CYP20A1: variants seen among roughly 807,000 people sequenced by gnomAD.
CYP20A1 encodes the protein cytochrome P450 family 20 subfamily A member 1, also known as cytochrome P450 20A1.
In CYP20A1, 61 loss-of-function variants were observed where a neutral mutation model predicts 61.4. That is an observed-to-expected ratio of 0.99 (90% CI 0.81 to 1.23). The LOEUF is 1.23. Ranked by LOEUF, CYP20A1 falls within the 50% of genes most tolerant of loss-of-function variation. CYP20A1 has a pLI of 0.00. For missense variants in CYP20A1, 530 were observed against 542.4 expected, an observed-to-expected ratio of 0.98 and a Z score of 0.23; for synonymous variants, 193 against 188.2, an observed-to-expected ratio of 1.03 and a Z score of -0.21.
rs1244491127 is a variant in CYP20A1 at position 203,305,354 on chromosome 2, A to C, written c.*8446A>C. On this transcript the variant is annotated 3_prime_UTR_variant, in exon 13 of 13. Transcript: ENST00000356079. The stretch of plus-strand genomic sequence containing the variant: ...TAGCTGGGACTACAGTCGCACGCCA[A>C]CCACCCCCAGCTAATTTTTTTATTT... 2 of 151,482 alleles carry C rather than the reference A, an allele frequency of 1.3e-5. No individual in the cohort carries two copies. The highest frequency in any genetic ancestry group is 3.9e-4 in the East Asian group (2 of 5,168). 9.4% of individuals were successfully genotyped at this position (151,482 alleles called of 1,614,324 possible).
At chr2:203,292,182 G>A in intron 10 of CYP20A1, 80 bp from the exon 11 acceptor site, 1 of 791,996 alleles carries the variant, frequency 1.3e-6, no homozygotes, top group Non-Finnish European at 2.1e-6. Context: ...TATATTAAAA[G>A]AAGTTTGGAA....
intron 4 of CYP20A1, among the ~76,000 whole-genome samples, chr2:203,265,249 A>G (rs1048789800): frequency 3.9e-5 from 6 of 152,202 alleles, no homozygotes; most frequent in African/African-American, 1.4e-4. Flanking sequence ...TCTAGATGCC[A>G]GTAGCACCTT....
rs1415040098 is a variant in CYP20A1, at chr2:203,251,875, C to T, written c.290-92C>T. ...AAAACAGTTGCCATGCTTTCAGCTA[C>T]AATTCTTTACCTCCCTGATCTCTTG... On this transcript the variant is annotated intron_variant, in intron 3 of 12. Transcript: ENST00000356079. The T allele has an allele frequency of 4.1e-6, 4 of 970,266 alleles. No homozygotes were observed. In the African/African-American group the frequency reaches 5.1e-5, roughly 12 times the overall value. 60.1% of individuals were successfully genotyped at this position (970,266 alleles called of 1,614,324 possible).
At chr2:203,283,283 C>G (rs1178089347) in intron 8 of CYP20A1, among the ~76,000 whole-genome samples, 1 of 129,100 alleles carries the variant, frequency 7.7e-6, no homozygotes, top group Non-Finnish European at 1.6e-5. Context: ...GTGGTGCAAT[C>G]TCGGCTCACT....
rs192923246 is a variant in CYP20A1, at chr2:203,248,879, T to G, written c.289+1958T>G. Among the ~76,000 whole-genome samples the G allele has an allele frequency of 1.5e-4, 23 of 152,182 alleles. 1 individual carries two copies. Among genetic ancestry groups the G allele is most frequent in the African/African-American group, 5.5e-4 (23 of 41,534 alleles). The stretch of plus-strand genomic sequence containing the variant: ...CATGCACCACCATGCCTGGCTAATT[T>G]ATTTACTTTTTAGTGGAGATGAGGT... On this transcript the variant is annotated intron_variant, in intron 3 of 12. Transcript: ENST00000356079.
Position 203,264,769 on chromosome 2 carries a change from G to A in CYP20A1, c.433-1745G>A, listed in dbSNP as rs1373741972. Among the ~76,000 whole-genome samples the A allele has an allele frequency of 5.3e-5, 8 of 151,618 alleles. No homozygotes were observed. The South Asian group carries it at 1.5e-3, about 28-fold the overall frequency. Reference sequence around the variant, plus strand: ...TTTTTAGACGGAGTCTCACTCTGTCGCCCAGGCTGGAGTGCAGTGGTGCAA... The same window carrying A: ...TTTTTAGACGGAGTCTCACTCTGTCACCCAGGCTGGAGTGCAGTGGTGCAA... On this transcript the variant is annotated intron_variant, in intron 4 of 12. Coordinates refer to ENST00000356079, the MANE Select transcript of CYP20A1 (RefSeq NM_177538.3).
intron 4 of CYP20A1, among the ~76,000 whole-genome samples, chr2:203,253,991 A>G (rs2066799440): frequency 6.6e-6 from 1 of 151,822 alleles, no homozygotes; most frequent in African/African-American, 2.4e-5. Context: ...TCTGTCGCCC[A>G]GGCTGGAATG....
intron 1 of CYP20A1, among the ~76,000 whole-genome samples, chr2:203,240,455 A>C (rs1044590569): frequency 6.6e-6 from 1 of 152,258 alleles, no homozygotes; most frequent in Non-Finnish European, 1.5e-5. Context: ...CGGACAGAAA[A>C]TTCCTGACTC....
In CYP20A1 at chr2:203,239,060, A is replaced by G; in HGVS notation, c.-3A>G. 1 of 1,613,496 alleles carries G rather than the reference A, an allele frequency of 6.2e-7. No homozygotes were observed. The highest frequency in any genetic ancestry group is 8.5e-7 in the Non-Finnish European group (1 of 1,179,700). On this transcript the variant is annotated 5_prime_UTR_variant, in exon 1 of 13. Coordinates refer to ENST00000356079, the MANE Select transcript of CYP20A1 (RefSeq NM_177538.3). The stretch of plus-strand genomic sequence containing the variant: ...GAGACGTGGCTCCCTGGGCGGCAGA[A>G]CCATGTTGGACTTCGCGATCTTCGC...
In CYP20A1 at chr2:203,278,642, A is replaced by G. The variant is rs558394525; in HGVS notation, c.749A>G (p.His250Arg). The change falls in exon 7 of 13, where the codon CAT (histidine) becomes CGT (arginine). Residue 250 changes from histidine to arginine, a missense_variant. His to Arg is a conservative substitution (Grantham distance 29). Transcript: ENST00000356079. The stretch of plus-strand genomic sequence containing the variant: ...CGAAAAGGAAGGAACTTCAGTCAAC[A>G]TATTTTCATTGACTCCTTAGTACAA... Reference protein sequence around the residue: ...KERKGRNFSQHIFIDSLVQGN... With the variant: ...KERKGRNFSQRIFIDSLVQGN... 20 of 1,606,198 alleles carry G rather than the reference A, an allele frequency of 1.2e-5. No individual in the cohort carries two copies. In the African/African-American group the frequency reaches 1.7e-4, roughly 14 times the overall value.
rs1405613671 is a variant in CYP20A1 at position 203,300,000 on chromosome 2, T to C, written c.*3092T>C. Reference sequence around the variant, plus strand: ...CAAGTACCTCGAATGGGTTGGAAACTGGCGGTAGAAGGTTAGAGTAGCCAA... The same window carrying C: ...CAAGTACCTCGAATGGGTTGGAAACCGGCGGTAGAAGGTTAGAGTAGCCAA... On this transcript the variant is annotated 3_prime_UTR_variant, in exon 13 of 13. Coordinates refer to ENST00000356079, the MANE Select transcript of CYP20A1 (RefSeq NM_177538.3). 6.6e-6 allele frequency among the ~76,000 whole-genome samples: 1 copy of C among 152,244 alleles called. No individual in the cohort carries two copies. Among genetic ancestry groups the C allele is most frequent in the African/African-American group, 2.4e-5 (1 of 41,470 alleles).
chr2:203,272,710 T>C lies in CYP20A1; in HGVS notation c.641T>C (p.Leu214Pro). 6.2e-7 allele frequency: 1 copy of C among 1,607,944 alleles called. No homozygotes were observed. Among genetic ancestry groups the C allele is most frequent in the Non-Finnish European group, 8.5e-7 (1 of 1,178,174 alleles). ...GGAAAAGGCTTTCTAGATGGGTCAC[T>C]TGATAAAAACATGACTCGGAAAAAA... is the stretch of plus-strand genomic sequence containing the variant. ...EIGKGFLDGS[L>P]DKNMTRKKQY... Residue 214 changes from leucine to proline, a missense_variant, in exon 6 of 13, where the codon CTT becomes CCT. By Grantham distance (98) the Leu-to-Pro change is moderately conservative. Coordinates refer to ENST00000356079, the MANE Select transcript of CYP20A1 (RefSeq NM_177538.3).
At chr2:203,281,327 C>T (rs2068032723) in intron 8 of CYP20A1, among the ~76,000 whole-genome samples, 2 of 151,936 alleles carry the variant, frequency 1.3e-5, no homozygotes, top group Admixed American at 6.6e-5. Context: ...GGCAACACAG[C>T]GGAAACCCAT....
intron 4 of CYP20A1, among the ~76,000 whole-genome samples, chr2:203,254,242 G>A (rs1452371541): frequency 6.6e-6 from 1 of 152,110 alleles, no homozygotes; most frequent in South Asian, 2.1e-4. Context: ...ACCGTGCCCG[G>A]CCTTGTTCTT....
In CYP20A1 at chr2:203,304,898, T is replaced by A. The variant is rs2069159531; in HGVS notation, c.*7990T>A. On this transcript the variant is annotated 3_prime_UTR_variant, in exon 13 of 13. Transcript: ENST00000356079. ...TTGCAGTGAGCCATGATCATGCCACTGCACTCCAGCCTAGGTGACAAAGCA... is the reference window on the plus strand; with the variant it reads ...TTGCAGTGAGCCATGATCATGCCACAGCACTCCAGCCTAGGTGACAAAGCA... Among the ~76,000 whole-genome samples the A allele has an allele frequency of 6.6e-6, 1 of 152,172 alleles. No homozygotes were observed. The highest frequency in any genetic ancestry group is 1.5e-5 in the Non-Finnish European group (1 of 68,028).
At chr2:203,272,573 A>AAT in intron 5 of CYP20A1, 97 bp from the exon 6 acceptor site, 1 of 348,504 alleles carries the variant, frequency 2.9e-6, no homozygotes, top group Non-Finnish European at 5.3e-6. Flanking sequence ...AAAAAAAAAG[A>AAT]GTTAAAGAGT....
Position 203,297,701 on chromosome 2 carries a change from GGT to G in CYP20A1, c.*795_*796del, listed in dbSNP as rs2068870236. On this transcript the variant is annotated 3_prime_UTR_variant, in exon 13 of 13. Coordinates refer to ENST00000356079, the MANE Select transcript of CYP20A1 (RefSeq NM_177538.3). ...TATTAAAAATACAGAAAATTGGCCG[GGT>G]GCGGTGGCTCACCCCTGTAATCCCA... is the stretch of plus-strand genomic sequence containing the variant. 1 of 151,870 alleles carries G rather than the reference GGT, an allele frequency of 6.6e-6. No individual in the cohort carries two copies. Among genetic ancestry groups the G allele is most frequent in the Non-Finnish European group, 1.5e-5 (1 of 68,016 alleles). The allele number at this position is 151,870 out of a possible 1,614,324, so 9.4% of individuals were successfully genotyped here.
rs145805504 is a variant in CYP20A1, at chr2:203,298,228, T to G, written c.*1320T>G. ...CATTGGGAGACCCTGCCTCTACAAA[T>G]ATACAAAAAAATTACTGGGCATGGT... On this transcript the variant is annotated 3_prime_UTR_variant, in exon 13 of 13. Coordinates refer to ENST00000356079, the MANE Select transcript of CYP20A1 (RefSeq NM_177538.3). 120 of 154,998 alleles carry G rather than the reference T, an allele frequency of 7.7e-4. No individual in the cohort carries two copies. The highest frequency in any genetic ancestry group is 2.5e-3 in the African/African-American group (101 of 41,052). 9.6% of individuals were successfully genotyped at this position (154,998 alleles called of 1,614,324 possible).
chr2:203,281,208 T>A (rs2068028014), intron 8 of CYP20A1, among the ~76,000 whole-genome samples: 1 of 152,084 alleles, frequency 6.6e-6, no homozygotes, highest in South Asian at 2.1e-4. Context: ...TAAAAATACT[T>A]AAAGGAAGTA....
Sources: allele counts gnomAD v4.1 joint callset (sites outside exome capture counted in the v4.1 genomes callset), GRCh38; gene constraint gnomAD v4.1.1; transcripts MANE v1.5; gene names NCBI Gene and HGNC (gene_info 2026-07-23, HGNC 2026-07-21).